Variants in MYOCOS observed in about 807,000 individuals in gnomAD.
MYOCOS encodes the protein myocilin opposite strand protein.
At chr1:171,604,542 A>T (rs1183902148) in intron 1 of MYOCOS, among the ~76,000 whole-genome samples, 1 of 152,242 alleles carries the variant, frequency 6.6e-6, no homozygotes, top group African/African-American at 2.4e-5. Context: ...CCATGATCAC[A>T]GTCTTTGAAG....
At chr1:171,626,155 T>A (rs1488881368) in intron 2 of MYOCOS, among the ~76,000 whole-genome samples, 1 of 152,192 alleles carries the variant, frequency 6.6e-6, no homozygotes, top group Non-Finnish European at 1.5e-5. Context: ...CAATCATAGC[T>A]CACTGTAGCC....
At chr1:171,613,872 G>T (rs539525685) in intron 1 of MYOCOS, among the ~76,000 whole-genome samples, 1 of 132,964 alleles carries the variant, frequency 7.5e-6, no homozygotes, top group African/African-American at 4.3e-5. Context: ...CCCTTTGGCT[G>T]TGGGAAATGA....
At chr1:171,626,330 C>T in intron 2 of MYOCOS, 124 bp from the exon 3 acceptor site, 1 of 389,030 alleles carries the variant, frequency 2.6e-6, no homozygotes, top group Non-Finnish European at 4.5e-6. Context: ...GATCCTTCCA[C>T]CTCAGCCTCC....
At chr1:171,616,450 G>T (rs1212679429) in intron 2 of MYOCOS, among the ~76,000 whole-genome samples, 1 of 151,552 alleles carries the variant, frequency 6.6e-6, no homozygotes, top group African/African-American at 2.4e-5. Flanking sequence ...TGAGGCAGGA[G>T]AATCACTTGA....
At chr1:171,608,313 G>A (rs1319148526) in intron 1 of MYOCOS, among the ~76,000 whole-genome samples, 1 of 150,842 alleles carries the variant, frequency 6.6e-6, no homozygotes, top group African/African-American at 2.4e-5. Context: ...CACCTGAGAT[G>A]CTAATGCAAA....
intron 1 of MYOCOS, among the ~76,000 whole-genome samples, chr1:171,603,375 C>T (rs563289667): frequency 1.3e-5 from 2 of 152,254 alleles, no homozygotes; most frequent in African/African-American, 4.8e-5. Flanking sequence ...TCCCTTTCAC[C>T]CTGGCATTTC....
intron 2 of MYOCOS, among the ~76,000 whole-genome samples, chr1:171,624,510 C>T (rs1293425336): frequency 6.6e-6 from 1 of 151,866 alleles, no homozygotes; most frequent in African/African-American, 2.4e-5. Context: ...AATCTTGGCT[C>T]ACTGCAAGCT....
At chr1:171,611,221 T>A (rs1048751400) in intron 1 of MYOCOS, among the ~76,000 whole-genome samples, 1 of 152,198 alleles carries the variant, frequency 6.6e-6, no homozygotes, top group Non-Finnish European at 1.5e-5. Context: ...TTTTTCTCTT[T>A]AAGCTGACTA....
intron 1 of MYOCOS, among the ~76,000 whole-genome samples, chr1:171,612,060 A>G (rs191863182): frequency 9.9e-5 from 15 of 151,634 alleles, no homozygotes; most frequent in African/African-American, 3.6e-4. Context: ...TGTACCCTTT[A>G]GGTTTCTTTT....
chr1:171,610,393 T>C (rs1295095172), intron 1 of MYOCOS, among the ~76,000 whole-genome samples: 1 of 152,244 alleles, frequency 6.6e-6, no homozygotes, highest in Admixed American at 6.5e-5. Flanking sequence ...CCATGCTTAG[T>C]ATCTGTCTTA....
chr1:171,613,938 G>A (rs150108928), intron 1 of MYOCOS, among the ~76,000 whole-genome samples: 1 of 152,230 alleles, frequency 6.6e-6, no homozygotes, highest in East Asian at 1.9e-4. Context: ...CACCTGCAAT[G>A]GCTGATTGGC....
chr1:171,611,440 G>A (rs997520454), intron 1 of MYOCOS, among the ~76,000 whole-genome samples: 1 of 152,130 alleles, frequency 6.6e-6, no homozygotes, highest in African/African-American at 2.4e-5. Context: ...CTCGAAATGG[G>A]CTATTTCAAG....
upstream of MYOCOS, among the ~76,000 whole-genome samples, chr1:171,621,906 T>C (rs1652584529): frequency 6.6e-6 from 1 of 152,186 alleles, no homozygotes; most frequent in South Asian, 2.1e-4. Flanking sequence ...AAGGATTGTT[T>C]GCAAACATTT....
At chr1:171,618,119 G>T (rs528154352), upstream of MYOCOS, among the ~76,000 whole-genome samples, 22 of 152,334 alleles carry the variant, frequency 1.4e-4, no homozygotes, top group African/African-American at 4.8e-4. Flanking sequence ...CTGCAGTCAT[G>T]AATTTAAAGG....
At chr1:171,614,473 C>A (rs1358410434) in intron 1 of MYOCOS, among the ~76,000 whole-genome samples, 1 of 152,208 alleles carries the variant, frequency 6.6e-6, no homozygotes, top group Non-Finnish European at 1.5e-5. Context: ...CCTTTAGAGT[C>A]ATCCCAAGTT....
At chr1:171,606,639 T>G (rs1383623487) in intron 1 of MYOCOS, among the ~76,000 whole-genome samples, 2 of 152,236 alleles carry the variant, frequency 1.3e-5, no homozygotes, top group African/African-American at 4.8e-5. Context: ...TCCCCTAGAT[T>G]GCTCAATCAA....
At chr1:171,616,275 C>T (rs543482041) in intron 2 of MYOCOS, among the ~76,000 whole-genome samples, 35 of 151,890 alleles carry the variant, frequency 2.3e-4, no homozygotes, top group Non-Finnish European at 4.1e-4. Flanking sequence ...CGCAGTGGCT[C>T]ACGCCTGTAA....
chr1:171,616,348 T>C (rs1476111147), intron 2 of MYOCOS, among the ~76,000 whole-genome samples: 2 of 152,206 alleles, frequency 1.3e-5, no homozygotes, highest in Non-Finnish European at 2.9e-5. Context: ...GAGACCAGCC[T>C]GGCCAACATG....
At chr1:171,601,432 C>T (rs959249259) in intron 1 of MYOCOS, among the ~76,000 whole-genome samples, 35 of 151,298 alleles carry the variant, frequency 2.3e-4, no homozygotes, top group African/African-American at 5.6e-4. Flanking sequence ...CCTCTTTACC[C>T]GTTCTTTGTC....
Sources: gnomAD v4.1 joint callset for allele counts (sites outside exome capture counted in the v4.1 genomes callset) on GRCh38, gnomAD v4.1.1 for gene constraint, MANE v1.5 for transcripts, NCBI Gene and HGNC (gene_info 2026-07-23, HGNC 2026-07-21) for gene names.